FLI1: variants seen among roughly 807,000 people sequenced by gnomAD.
FLI1 encodes the protein Friend leukemia integration 1 transcription factor.
In FLI1, 13 loss-of-function variants were observed where a neutral mutation model predicts 53.1. The ratio of observed to expected loss-of-function variants is 0.24; its 90% CI spans 0.16 to 0.39. The LOEUF (loss-of-function observed/expected upper bound fraction) is 0.39. Among genes scored for constraint, FLI1 ranks in the 10% least tolerant of loss-of-function variants. The probability of loss-of-function intolerance (pLI) is 1.00; values close to 1 mark genes in which losing one functional copy is unlikely to be tolerated. For missense variants in FLI1, 424 were observed against 600.5 expected (o/e 0.71, Z 3.07); for synonymous variants, 244 against 236.7 (o/e 1.03, Z -0.28).
intron 1 of FLI1, among the ~76,000 whole-genome samples, chr11:128,709,526 C>A (rs180754650): frequency 2.0e-5 from 3 of 152,180 alleles, no homozygotes; most frequent in East Asian, 3.8e-4. Flanking sequence ...TTCCCTCCCA[C>A]GTATCCGGCC....
intron 1 of FLI1, among the ~76,000 whole-genome samples, chr11:128,747,420 A>G (rs1044078417): frequency 6.6e-6 from 1 of 152,088 alleles, no homozygotes; most frequent in Admixed American, 6.5e-5. Context: ...CCCTCCCTGC[A>G]GGTTCTCCCA....
chr11:128,722,938 T>G (rs1256301194), intron 1 of FLI1, among the ~76,000 whole-genome samples: 1 of 152,088 alleles, frequency 6.6e-6, no homozygotes, highest in East Asian at 1.9e-4. Context: ...TCATCAACAG[T>G]GAATGCTTAT....
chr11:128,765,705 G>A (rs1006735637), intron 2 of FLI1, among the ~76,000 whole-genome samples: 5 of 152,232 alleles, frequency 3.3e-5, no homozygotes, highest in African/African-American at 1.2e-4. Flanking sequence ...TCAAACTTCT[G>A]CAGCACTTGG....
At chr11:128,775,533 G>A (rs1420192733) in intron 4 of FLI1, among the ~76,000 whole-genome samples, 2 of 152,200 alleles carry the variant, frequency 1.3e-5, no homozygotes, top group Non-Finnish European at 2.9e-5. Flanking sequence ...GTGGCTGGCT[G>A]CTAAGCGCCT....
intron 1 of FLI1, among the ~76,000 whole-genome samples, chr11:128,720,967 C>T (rs1040975179): frequency 2.6e-5 from 4 of 152,200 alleles, no homozygotes; most frequent in Non-Finnish European, 4.4e-5. Context: ...TGGCCACCCC[C>T]GGCCCTTCCC....
intron 4 of FLI1, among the ~76,000 whole-genome samples, chr11:128,776,453 C>A (rs1565494669): frequency 6.6e-6 from 1 of 152,230 alleles, no homozygotes; most frequent in Non-Finnish European, 1.5e-5. Flanking sequence ...AAGTTGGAGA[C>A]CAGCCTGGCC....
upstream of FLI1, among the ~76,000 whole-genome samples, chr11:128,690,935 T>C (rs982304561): frequency 5.3e-5 from 8 of 152,178 alleles, no homozygotes; most frequent in Non-Finnish European, 1.0e-4. Context: ...GGCGAGGCCA[T>C]TGGAGCCATG....
At chr11:128,713,142 G>A (rs1938859508) in intron 1 of FLI1, among the ~76,000 whole-genome samples, 1 of 152,164 alleles carries the variant, frequency 6.6e-6, no homozygotes. Context: ...AGAAAATGAG[G>A]CCATGTTCCT....
chr11:128,733,957 C>T (rs1480886618), intron 1 of FLI1, among the ~76,000 whole-genome samples: 6 of 152,182 alleles, frequency 3.9e-5, no homozygotes, highest in Non-Finnish European at 7.3e-5. Context: ...AGGAGAGGAG[C>T]GACAGAGCAC....
intron 1 of FLI1, among the ~76,000 whole-genome samples, chr11:128,688,484 G>A (rs1937622033): frequency 6.6e-6 from 1 of 152,226 alleles, no homozygotes; most frequent in South Asian, 2.1e-4. Context: ...TGCCAGAGGG[G>A]CACAAACAGT....
chr11:128,722,495 TGCAGG>T (rs1231029503), intron 1 of FLI1, among the ~76,000 whole-genome samples: 2 of 152,170 alleles, frequency 1.3e-5, no homozygotes, highest in African/African-American at 4.8e-5. Flanking sequence ...CAGCAAACAC[TGCAGG>T]ATTTGCTTGC....
At chr11:128,783,920 G>A (rs535882788) in intron 5 of FLI1, among the ~76,000 whole-genome samples, 1 of 151,552 alleles carries the variant, frequency 6.6e-6, no homozygotes, top group African/African-American at 2.4e-5. Context: ...ATGACTAGAG[G>A]GAGAGAGAGA....
chr11:128,809,652 T>C (rs78184304), intron 8 of FLI1, among the ~76,000 whole-genome samples: 4,694 of 152,344 alleles, frequency 0.031, 225 homozygotes, highest in African/African-American at 0.11. Flanking sequence ...AGATGTGTCC[T>C]GGAAAAGTTG....
At chr11:128,773,402 T>G (rs1941634267) in intron 4 of FLI1, among the ~76,000 whole-genome samples, 1 of 152,040 alleles carries the variant, frequency 6.6e-6, no homozygotes, top group South Asian at 2.1e-4. Flanking sequence ...TTGAAAATAA[T>G]TTACATATTA....
intron 5 of FLI1, among the ~76,000 whole-genome samples, chr11:128,801,901 G>A (rs949734753): frequency 2.6e-5 from 4 of 152,080 alleles, no homozygotes; most frequent in South Asian, 4.1e-4. Flanking sequence ...AACCATAAAC[G>A]ACAAATACAA....
At chr11:128,711,004 A>G (rs1422544528) in intron 1 of FLI1, among the ~76,000 whole-genome samples, 1 of 152,240 alleles carries the variant, frequency 6.6e-6, no homozygotes, top group Admixed American at 6.5e-5. Context: ...TTTCCTTATC[A>G]GGGCTGTCCA....
intron 1 of FLI1, among the ~76,000 whole-genome samples, chr11:128,716,191 A>T (rs1939002252): frequency 6.6e-6 from 1 of 152,202 alleles, no homozygotes; most frequent in Admixed American, 6.5e-5. Flanking sequence ...AAGCACCAGG[A>T]GATTTAGAGA....
At chr11:128,686,313 C>T (rs1431187982), upstream of FLI1, 1 of 456,012 alleles carries the variant, frequency 2.2e-6, no homozygotes, top group Non-Finnish European at 4.4e-6. Flanking sequence ...ATCCCCAGTT[C>T]GAAACTGCCC....
chr11:128,698,977 G>A (rs1938207094), intron 1 of FLI1, among the ~76,000 whole-genome samples: 1 of 152,004 alleles, frequency 6.6e-6, no homozygotes, highest in African/African-American at 2.4e-5. Context: ...CCATTACAAG[G>A]AGACAACCAA....
Sources: gnomAD v4.1 joint callset for allele counts (sites outside exome capture counted in the v4.1 genomes callset) on GRCh38, gnomAD v4.1.1 for gene constraint, MANE v1.5 for transcripts, NCBI Gene and HGNC (gene_info 2026-07-23, HGNC 2026-07-21) for gene names.